Variants in ADGRD1 observed in about 807,000 individuals in gnomAD.
ADGRD1 encodes adhesion G protein-coupled receptor D1.
A neutral mutation model predicts 113.4 loss-of-function variants in ADGRD1; 77 were observed. The observed-to-expected ratio is 0.68, with a 90% CI of 0.57 to 0.82. The LOEUF is 0.82. ADGRD1 is among the 40% of genes least tolerant of loss of function. The pLI, the probability that ADGRD1 is intolerant of heterozygous loss-of-function variation, is 0.00. For missense variants in ADGRD1, 1,036 were observed against 1,139.1 expected, an observed-to-expected ratio of 0.91 and a Z score of 1.30; for synonymous variants, 474 against 475.0, an observed-to-expected ratio of 1.00 and a Z score of 0.03.
intron 15 of ADGRD1, among the ~76,000 whole-genome samples, chr12:131,090,524 C>T (rs1371764398): frequency 6.6e-6 from 1 of 152,160 alleles, no homozygotes; most frequent in Non-Finnish European, 1.5e-5. Context: ...CCTCTTCCTC[C>T]TAAGTGGGCA....
At position 131,097,206 on chromosome 12, in the gene ADGRD1, C is replaced by T. The variant is rs1211759558; in HGVS notation, c.1672-7625C>T. Among the ~76,000 whole-genome samples the T allele has an allele frequency of 3.9e-5, 6 of 152,196 alleles. No homozygotes were observed. The East Asian group carries it at 7.7e-4, about 20-fold the overall frequency. ...TTTCCCAGATGGCCCCAGACTGATG[C>T]ACAAGCTGTGCGGCCAGGGGAGACA... On this transcript the variant is annotated intron_variant, in intron 15 of 24. Transcript: ENST00000261654.
intron 5 of ADGRD1, among the ~76,000 whole-genome samples, chr12:130,983,036 A>G (rs1234831428): frequency 6.6e-6 from 1 of 152,198 alleles, no homozygotes; most frequent in African/African-American, 2.4e-5. Context: ...CCCAGTTATT[A>G]AAAAGCGTGA....
At chr12:131,002,893 C>A in intron 9 of ADGRD1, 1 of 1,055,524 alleles carries the variant, frequency 9.5e-7, no homozygotes, top group Non-Finnish European at 1.3e-6. Flanking sequence ...AGGGAGGAGG[C>A]AGGACCAGGA....
At chr12:130,955,385 G>A (rs536484512) in intron 2 of ADGRD1, among the ~76,000 whole-genome samples, 6 of 152,196 alleles carry the variant, frequency 3.9e-5, no homozygotes, top group African/African-American at 1.4e-4. Flanking sequence ...AGTGGGACTC[G>A]GGATAGAGGG....
At chr12:131,091,522 CATT>C (rs1886906878) in intron 15 of ADGRD1, among the ~76,000 whole-genome samples, 1 of 152,200 alleles carries the variant, frequency 6.6e-6, no homozygotes, top group Admixed American at 6.5e-5. Context: ...TCCAAGGTAA[CATT>C]GTGTGAAAAG....
chr12:130,990,300 C>T (rs538431206), intron 6 of ADGRD1: 1 of 152,368 alleles, frequency 6.6e-6, no homozygotes, highest in African/African-American at 2.4e-5. Flanking sequence ...ATGTCATTTC[C>T]TCAGCTCATC....
chr12:131,092,401 G>A (rs1725832), intron 15 of ADGRD1, among the ~76,000 whole-genome samples: 99,169 of 152,042 alleles, frequency 0.65, 32,680 homozygotes, highest in East Asian at 0.79. Flanking sequence ...GGCCAGGGAG[G>A]TGGTCTGGTT....
chr12:131,104,620 G>T (rs1211246575), intron 15 of ADGRD1, among the ~76,000 whole-genome samples: 1 of 152,056 alleles, frequency 6.6e-6, no homozygotes, highest in Non-Finnish European at 1.5e-5. Flanking sequence ...GCACCTCGGG[G>T]CACCGGACAT....
intron 21 of ADGRD1, among the ~76,000 whole-genome samples, chr12:131,133,482 G>A (rs948300940): frequency 6.6e-6 from 1 of 152,198 alleles, no homozygotes; most frequent in Admixed American, 6.5e-5. Flanking sequence ...GAAGGCTCGA[G>A]GTAGCGTGCC....
At chr12:131,015,540 A>G (rs1388909138) in intron 13 of ADGRD1, among the ~76,000 whole-genome samples, 1 of 149,030 alleles carries the variant, frequency 6.7e-6, no homozygotes, top group Non-Finnish European at 1.5e-5. Context: ...GGAGATGGAG[A>G]GGGGACTGGA....
chr12:131,137,675 C>T (rs1387361251), intron 23 of ADGRD1: 4 of 245,390 alleles, frequency 1.6e-5, no homozygotes, highest in African/African-American at 6.6e-5. Flanking sequence ...AGAGCAGAGT[C>T]GCTGAGCAGG....
In ADGRD1 at chr12:131,003,257, G is replaced by C. The variant is rs1346370581; in HGVS notation, c.1099G>C (p.Gly367Arg). 5 of 1,613,914 alleles carry C rather than the reference G, an allele frequency of 3.1e-6. No individual in the cohort carries two copies. The East Asian group carries it at 1.1e-4, about 36-fold the overall frequency. ...VMGHVSSNLHGSTPQVTVEGS... is the reference protein window; with the variant it reads ...VMGHVSSNLHRSTPQVTVEGS... Reference sequence around the variant, plus strand: ...GGGCCATGTATCCTCCAACCTGCACGGCAGCACGCCCCAGGTCACCGTGGA... The same window carrying C: ...GGGCCATGTATCCTCCAACCTGCACCGCAGCACGCCCCAGGTCACCGTGGA... The change falls in exon 10 of 25, where the codon GGC becomes CGC. Residue 367 changes from glycine to arginine, a missense_variant. Coordinates refer to ENST00000261654, the MANE Select transcript of ADGRD1 (RefSeq NM_198827.5). This position sits in a 1 kb window ranked among gnomAD's most constrained non-coding sequence, Gnocchi z 4.8.
At chr12:131,108,930 A>T in intron 18 of ADGRD1, 53 bp downstream of exon 18, 9 of 825,076 alleles carry the variant, frequency 1.1e-5, no homozygotes, top group Non-Finnish European at 1.3e-5. Context: ...AGGAAGAGAC[A>T]GGTGGGGATG....
intron 4 of ADGRD1, among the ~76,000 whole-genome samples, chr12:130,975,988 A>G (rs548197235): frequency 4.6e-5 from 7 of 152,172 alleles, no homozygotes; most frequent in Non-Finnish European, 7.3e-5. Flanking sequence ...ACATGCATTA[A>G]GAACTTCTTC....
intron 19 of ADGRD1, among the ~76,000 whole-genome samples, chr12:131,120,322 C>T (rs1593248198): frequency 6.6e-6 from 1 of 152,192 alleles, no homozygotes; most frequent in South Asian, 2.1e-4. Flanking sequence ...TTCTTGGGGT[C>T]ACTTCTCAGA....
chr12:130,980,174 G>A (rs1465740378), intron 4 of ADGRD1, among the ~76,000 whole-genome samples: 2 of 151,606 alleles, frequency 1.3e-5, no homozygotes, highest in African/African-American at 2.4e-5. Context: ...GCACAATCTC[G>A]GCTCACTGCA....
chr12:131,105,013 G>A, intron 16 of ADGRD1, 79 bp downstream of exon 16: 16 of 1,006,248 alleles, frequency 1.6e-5, no homozygotes, highest in Non-Finnish European at 2.4e-5. Flanking sequence ...AGAGACACGG[G>A]AGAGGGGAGG....
chr12:131,062,649 T>G (rs1884426450), intron 13 of ADGRD1, among the ~76,000 whole-genome samples: 1 of 152,156 alleles, frequency 6.6e-6, no homozygotes, highest in African/African-American at 2.4e-5. Context: ...CTCTCTTACC[T>G]GCCGCCATGT....
Position 131,075,164 on chromosome 12 carries a change from A to G in ADGRD1, c.1474-1637A>G. ...TTTTTAAATTTCCTTTAAATTACTCAGGTAACACACAAATACGCCTCCTTG... is the reference window on the plus strand; with the variant it reads ...TTTTTAAATTTCCTTTAAATTACTCGGGTAACACACAAATACGCCTCCTTG... On this transcript the variant is annotated intron_variant, in intron 13 of 24. Coordinates refer to ENST00000261654, the MANE Select transcript of ADGRD1 (RefSeq NM_198827.5). The surrounding 1 kb of genome is among the most constrained non-coding windows in gnomAD (Gnocchi z 5.3). 6.6e-6 allele frequency among the ~76,000 whole-genome samples: 1 copy of G among 152,182 alleles called. No individual in the cohort carries two copies. The highest frequency in any genetic ancestry group is 2.4e-5 in the African/African-American group (1 of 41,432).
Sources: allele counts gnomAD v4.1 joint callset (sites outside exome capture counted in the v4.1 genomes callset), GRCh38; gene constraint gnomAD v4.1.1; non-coding constraint Gnocchi (gnomAD v3.1); transcripts MANE v1.5; gene names NCBI Gene and HGNC (gene_info 2026-07-23, HGNC 2026-07-21).